The following PDIA6 variants were observed in gnomAD, a reference collection of about 807,000 sequenced individuals.
The protein encoded by PDIA6 is protein disulfide isomerase family A member 6.
A neutral mutation model predicts 58.4 loss-of-function variants in PDIA6; 29 were observed. The observed-to-expected ratio is 0.50, with a 90% CI of 0.37 to 0.68. The LOEUF is 0.68. Among genes scored for constraint, PDIA6 ranks in the 30% least tolerant of loss-of-function variants. PDIA6 has a pLI of 0.00. For missense variants in PDIA6, 480 were observed against 551.0 expected (o/e 0.87, Z 1.29); for synonymous variants, 192 against 202.6 (o/e 0.95, Z 0.44).
At chr2:10,814,017 G>C (rs967396546), upstream of PDIA6, among the ~76,000 whole-genome samples, 1 of 152,178 alleles carries the variant, frequency 6.6e-6, no homozygotes, top group Non-Finnish European at 1.5e-5. Flanking sequence ...GAGCCACCAC[G>C]CCCGACCTAA....
chr2:10,820,845 T>G (rs1389432341), intron 1 of PDIA6: 14 of 702,830 alleles, frequency 2.0e-5, no homozygotes, highest in Admixed American at 6.0e-5. Flanking sequence ...CACAAGCTTC[T>G]CCCGGAGGTC....
At chr2:10,789,947 A>C in intron 7 of PDIA6, 58 bp from the exon 8 acceptor site, 5 of 1,478,148 alleles carry the variant, frequency 3.4e-6, no homozygotes, top group Non-Finnish European at 4.6e-6. Flanking sequence ...AAATAACACA[A>C]TCTTTACAGT....
chr2:10,795,087 A>G (rs574291275), intron 4 of PDIA6, among the ~76,000 whole-genome samples: 1 of 152,298 alleles, frequency 6.6e-6, no homozygotes, highest in Admixed American at 6.5e-5. Flanking sequence ...CTCCTTATCT[A>G]TGTCAGGTAT....
chr2:10,802,735 C>A lies in PDIA6; in HGVS notation c.20-95G>T. 3.0e-6 allele frequency: 3 copies of A among 986,056 alleles called. No homozygotes were observed. In the South Asian group the frequency reaches 1.2e-4, roughly 40 times the overall value. The allele number at this position is 986,056 out of a possible 1,614,324, so 61.1% of individuals were successfully genotyped here. A position where few individuals can be genotyped will look rare whatever the true frequency, so the allele number is the denominator to read the frequency against. On this transcript the variant is annotated intron_variant, in intron 1 of 12. Transcript: ENST00000272227. ...AGAGTCCTCTTTAACTGACCAGGGC[C>A]CTTCACACAGGAGGACGGCCTAGCT...
upstream of PDIA6, among the ~76,000 whole-genome samples, chr2:10,834,774 C>T (rs1328621865): frequency 1.7e-5 from 2 of 116,952 alleles, no homozygotes; most frequent in Non-Finnish European, 3.3e-5. Flanking sequence ...TTCCTTCCTT[C>T]CGTTCTTTCT....
At chr2:10,784,624 C>A (rs1023183840) in intron 12 of PDIA6, 8 of 501,372 alleles carry the variant, frequency 1.6e-5, no homozygotes, top group Non-Finnish European at 2.4e-5. Flanking sequence ...AATTTCAAAG[C>A]TATCATTTTC....
chr2:10,796,178 A>C (rs574191080), intron 4 of PDIA6, among the ~76,000 whole-genome samples: 2 of 150,444 alleles, frequency 1.3e-5, no homozygotes, highest in Admixed American at 6.7e-5. Context: ...CTCAGCCTCC[A>C]GAGTAGCTGG....
intron 1 of PDIA6, among the ~76,000 whole-genome samples, chr2:10,828,330 A>G (rs1212983150): frequency 1.3e-5 from 2 of 152,228 alleles, no homozygotes; most frequent in Non-Finnish European, 2.9e-5. Context: ...CAGAAATTCA[A>G]TGGGCAGGAA....
chr2:10,832,809 G>C (rs565904540), upstream of PDIA6, among the ~76,000 whole-genome samples: 30 of 152,318 alleles, frequency 2.0e-4, no homozygotes, highest in African/African-American at 7.0e-4. Flanking sequence ...TGGAGGCCAG[G>C]CTGTGGCTTG....
In PDIA6 at chr2:10,797,140, T is replaced by C. The variant is rs146299443; in HGVS notation, c.287A>G (p.Gln96Arg). The C allele has an allele frequency of 6.2e-7, 1 of 1,612,904 alleles. No individual in the cohort carries two copies. The highest frequency in any genetic ancestry group is 1.3e-5 in the African/African-American group (1 of 74,906). The stretch of plus-strand genomic sequence containing the variant: ...AAAAATCTTAATGGTAGGAAATCCC[T>C]GAACACCATACTGACCTCCTAGGGA... ...HHSLGGQYGV[Q>R]GFPTIKIFGS... The change falls in exon 4 of 13, where the codon CAG becomes CGG. Residue 96 changes from glutamine to arginine, a missense_variant. Physicochemically the swap from Gln to Arg is conservative, Grantham distance 43. Coordinates refer to ENST00000272227, the MANE Select transcript of PDIA6 (RefSeq NM_005742.4).
At chr2:10,820,346 G>T (rs1022843169) in intron 1 of PDIA6, among the ~76,000 whole-genome samples, 1 of 152,156 alleles carries the variant, frequency 6.6e-6, no homozygotes, top group Non-Finnish European at 1.5e-5. Flanking sequence ...TTTGTATAAG[G>T]TGTACATTTC....
intron 1 of PDIA6, among the ~76,000 whole-genome samples, chr2:10,805,059 T>A (rs533761230): frequency 1.5e-4 from 22 of 151,324 alleles, no homozygotes; most frequent in African/African-American, 5.3e-4. Context: ...AATTGACAAA[T>A]GGATCTAATT....
upstream of PDIA6, among the ~76,000 whole-genome samples, chr2:10,813,634 A>C (rs1667100462): frequency 6.9e-6 from 1 of 145,510 alleles, no homozygotes; most frequent in Admixed American, 6.6e-5. Context: ...CAAAAGTAAA[A>C]ATTTTTTTGC....
At chr2:10,803,911 G>GTTTTTTGTTTTT (rs1666621155) in intron 1 of PDIA6, among the ~76,000 whole-genome samples, 1 of 117,892 alleles carries the variant, frequency 8.5e-6, no homozygotes, top group African/African-American at 2.9e-5. Flanking sequence ...TAGTTTTTGT[G>GTTTTTTGTTTTT]TTTTTTTTTT....
chr2:10,796,428 G>A lies in PDIA6; in HGVS notation c.346+653C>T, dbSNP rs1666271166. Among the ~76,000 whole-genome samples, 3 of 151,770 alleles carry A rather than the reference G, an allele frequency of 2.0e-5. No homozygotes were observed. The South Asian group carries it at 6.2e-4, about 32-fold the overall frequency. On this transcript the variant is annotated intron_variant, in intron 4 of 12. Transcript: ENST00000272227. ...GCCTGTAATCCCAGCTACTTGGGAG[G>A]CTGAAGTAGGAGGACTGCCTGAGCC...
intron 2 of PDIA6, chr2:10,819,137 G>T (rs1310107735): frequency 1.0e-5 from 6 of 602,176 alleles, no homozygotes; most frequent in Non-Finnish European, 1.8e-5. Flanking sequence ...CCTTCTTAAA[G>T]CAGAGTCACA....
chr2:10,826,890 T>G (rs1734405), intron 1 of PDIA6, among the ~76,000 whole-genome samples: 2 of 152,114 alleles, frequency 1.3e-5, no homozygotes, highest in African/African-American at 4.8e-5. Context: ...GGCTGGTTCC[T>G]GCCTTCGGGC....
chr2:10,799,241 C>T (rs962155188), intron 2 of PDIA6, among the ~76,000 whole-genome samples: 6 of 152,098 alleles, frequency 3.9e-5, no homozygotes, highest in Non-Finnish European at 7.4e-5. Context: ...ATGCAGACAC[C>T]ATAGTTTATC....
chr2:10,802,568 G>T lies in PDIA6; in HGVS notation c.92C>A (p.Thr31Asn), dbSNP rs1199521462. 2.0e-6 allele frequency: 3 copies of T among 1,490,444 alleles called. No individual in the cohort carries two copies. Among genetic ancestry groups the T allele is most frequent in the African/African-American group, 1.4e-5 (1 of 70,048 alleles). The allele number at this position is 1,490,444 out of a possible 1,614,324, so 92.3% of individuals were successfully genotyped here. A position where few individuals can be genotyped will look rare whatever the true frequency, so the allele number is the denominator to read the frequency against. ...YSSSDDVIEL[T>N]PSNFNREVIQ... ...AACTTCTCGGTTGAAATTCGATGGA[G>T]TTAATTCGATCACATCATCACTAGA... The change falls in exon 2 of 13, where the codon ACT (threonine) becomes AAT (asparagine). Residue 31 changes from threonine to asparagine, a missense_variant. Thr to Asn is a moderately conservative substitution (Grantham distance 65). Coordinates refer to ENST00000272227, the MANE Select transcript of PDIA6 (RefSeq NM_005742.4).
Sources: allele counts gnomAD v4.1 joint callset (sites outside exome capture counted in the v4.1 genomes callset), GRCh38; gene constraint gnomAD v4.1.1; transcripts MANE v1.5; gene names NCBI Gene and HGNC (gene_info 2026-07-23, HGNC 2026-07-21).